Variants in SPATA33 observed in about 807,000 individuals in gnomAD.
SPATA33 encodes spermatogenesis-associated protein 33.
In SPATA33, 10 loss-of-function variants were observed where a neutral mutation model predicts 8.9. The observed-to-expected ratio is 1.12, with a 90% CI of 0.69 to 1.90. The LOEUF (loss-of-function observed/expected upper bound fraction) is 1.90. Among genes scored for constraint, SPATA33 ranks in the 40% most tolerant of loss-of-function variants. The pLI is 0.00. For missense variants in SPATA33, 241 were observed against 178.3 expected (o/e 1.35, Z -2.00); for synonymous variants, 96 against 72.8 (o/e 1.32, Z -1.63).
chr16:89,658,110 T>C, intron 1 of SPATA33, 138 bp from the exon 2 acceptor site: 1 of 1,501,390 alleles, frequency 6.7e-7, no homozygotes. Context: ...GTTTCCCGCC[T>C]GAGGCGGTTA....
chr16:89,670,022 G>GAGC lies in SPATA33; in HGVS notation c.*525_*526insAGC, dbSNP rs2060081577. 1 of 131,430 alleles carries GAGC rather than the reference G, an allele frequency of 7.6e-6. No homozygotes were observed. Among genetic ancestry groups the GAGC allele is most frequent in the Admixed American group, 7.2e-5 (1 of 13,826 alleles). 8.1% of individuals were successfully genotyped at this position (131,430 alleles called of 1,614,324 possible). ...GTGAGAAGCCATGGCCCCTTCTCCA[G>GAGC]TGCTTTTGGGGAGGGTGCACCAGGG... On this transcript the variant is annotated 3_prime_UTR_variant, in exon 3 of 3. Transcript: ENST00000579310.
At chr16:89,668,377 A>G (rs1159520081) in intron 2 of SPATA33, among the ~76,000 whole-genome samples, 1 of 152,240 alleles carries the variant, frequency 6.6e-6, no homozygotes, top group East Asian at 1.9e-4. Flanking sequence ...CCTACCTCGC[A>G]TCCAGGTTCG....
intron 1 of SPATA33, 133 bp from the exon 2 acceptor site, chr16:89,658,115 C>T: frequency 1.3e-6 from 2 of 1,508,192 alleles, no homozygotes; most frequent in South Asian, 1.3e-5. Flanking sequence ...CCGCCTGAGG[C>T]GGTTACGGAA....
chr16:89,665,136 C>T (rs1400435500), intron 2 of SPATA33, among the ~76,000 whole-genome samples: 7 of 151,868 alleles, frequency 4.6e-5, no homozygotes, highest in Non-Finnish European at 7.4e-5. Context: ...GCTGGGGCCA[C>T]AGTGCACGCC....
chr16:89,667,345 C>T (rs761309062), intron 2 of SPATA33, among the ~76,000 whole-genome samples: 3 of 152,098 alleles, frequency 2.0e-5, no homozygotes, highest in South Asian at 2.1e-4. Context: ...GATTGTAGAG[C>T]GAGGATTATT....
In SPATA33 at chr16:89,658,320, A is replaced by C; in HGVS notation, c.110A>C (p.Gln37Pro). The change falls in exon 2 of 3, where the codon CAG becomes CCG. Residue 37 changes from glutamine (Q) to proline (P), a missense_variant. By Grantham distance (76) the Gln-to-Pro change is moderately conservative. Coordinates refer to ENST00000579310, the MANE Select transcript of SPATA33 (RefSeq NM_001271907.2). ...SKEKLMEKHS[Q>P]EARQADRESE... is the part of the protein sequence containing the mutation. ...GAGAAGTTGATGGAGAAGCATTCCC[A>C]GGAAGCCAGGCAGGCAGACAGGGAG... The C allele has an allele frequency of 4.3e-6, 7 of 1,614,142 alleles. No homozygotes were observed. The highest frequency in any genetic ancestry group is 5.9e-6 in the Non-Finnish European group (7 of 1,180,034).
intron 2 of SPATA33, among the ~76,000 whole-genome samples, chr16:89,663,581 A>G (rs531446085): frequency 1.2e-4 from 18 of 152,176 alleles, no homozygotes; most frequent in Admixed American, 1.0e-3. Flanking sequence ...GAATGACAAA[A>G]TTATAGACAG....
At chr16:89,660,712 T>A in intron 2 of SPATA33, 1 of 745,340 alleles carries the variant, frequency 1.3e-6, no homozygotes, top group Non-Finnish European at 1.8e-6. Flanking sequence ...AGCAGATGAG[T>A]GGTTGCTGGG....
intron 2 of SPATA33, among the ~76,000 whole-genome samples, chr16:89,665,608 C>T (rs1049144795): frequency 6.6e-6 from 1 of 152,078 alleles, no homozygotes; most frequent in Non-Finnish European, 1.5e-5. Flanking sequence ...GCCACTGCGT[C>T]TGGCCTAATA....
intron 2 of SPATA33, among the ~76,000 whole-genome samples, chr16:89,664,108 G>C (rs556362993): frequency 6.6e-6 from 1 of 152,222 alleles, no homozygotes; most frequent in Admixed American, 6.5e-5. Flanking sequence ...GACAGAGTAA[G>C]ACCCTATTTA....
chr16:89,662,799 G>C lies in SPATA33; in HGVS notation c.211+4378G>C, dbSNP rs182477822. Among the ~76,000 whole-genome samples, 203 of 148,244 alleles carry C rather than the reference G, an allele frequency of 1.4e-3. 1 individual carries two copies. The highest frequency in any genetic ancestry group is 2.4e-3 in the Admixed American group (35 of 14,834). On this transcript the variant is annotated intron_variant, in intron 2 of 2. Transcript: ENST00000579310. ...TTGAACACTTTTGTGACGTTTTGTT[G>C]TTTGTTTGTTTTGAGATGGAGTCTT... is the stretch of plus-strand genomic sequence containing the variant.
chr16:89,663,835 G>T (rs1454175783), intron 2 of SPATA33, among the ~76,000 whole-genome samples: 2 of 152,128 alleles, frequency 1.3e-5, no homozygotes, highest in Non-Finnish European at 2.9e-5. Context: ...GTTCGCTTTG[G>T]GAGCCAAGCA....
intron 2 of SPATA33, chr16:89,661,050 A>G: frequency 1.0e-6 from 1 of 987,676 alleles, no homozygotes; most frequent in Admixed American, 6.1e-5. Flanking sequence ...GTCCTGCCAA[A>G]CGTGTCCTGA....
intron 1 of SPATA33, 24 bp downstream of exon 1, chr16:89,657,972 C>A (rs1424710967): frequency 1.3e-6 from 2 of 1,506,044 alleles, no homozygotes; most frequent in Non-Finnish European, 1.8e-6. Context: ...AGGCGCTGGG[C>A]TCCCCGCGTC....
At chr16:89,666,853 C>G (rs557648484) in intron 2 of SPATA33, among the ~76,000 whole-genome samples, 9 of 152,194 alleles carry the variant, frequency 5.9e-5, no homozygotes, top group Non-Finnish European at 1.2e-4. Flanking sequence ...AGACAGCTTA[C>G]GCCGTTATTT....
chr16:89,658,058 G>C, intron 1 of SPATA33, 110 bp downstream of exon 1: 2 of 1,458,178 alleles, frequency 1.4e-6, no homozygotes, highest in East Asian at 2.5e-5. Flanking sequence ...GGCTCGGCCC[G>C]GTGCGAACCG....
intron 2 of SPATA33, 83 bp downstream of exon 2, chr16:89,658,504 T>C: frequency 6.7e-7 from 1 of 1,493,604 alleles, no homozygotes; most frequent in African/African-American, 1.4e-5. Context: ...TGTAAGACCC[T>C]ACCGGATGGA....
At chr16:89,666,779 T>C (rs1354305582) in intron 2 of SPATA33, among the ~76,000 whole-genome samples, 1 of 152,146 alleles carries the variant, frequency 6.6e-6, no homozygotes, top group Non-Finnish European at 1.5e-5. Context: ...ATGTGGGTCA[T>C]GTGTCCACTG....
In SPATA33 at chr16:89,669,683, C is replaced by T. The variant is rs1189155983; in HGVS notation, c.*186C>T. The T allele has an allele frequency of 1.3e-5, 8 of 616,642 alleles. No individual in the cohort carries two copies. Among genetic ancestry groups the T allele is most frequent in the Non-Finnish European group, 5.6e-6 (2 of 356,968 alleles). The allele number at this position is 616,642 out of a possible 1,614,324, so 38.2% of individuals were successfully genotyped here. A position where few individuals can be genotyped will look rare whatever the true frequency, so the allele number is the denominator to read the frequency against. On this transcript the variant is annotated 3_prime_UTR_variant, in exon 3 of 3. Coordinates refer to ENST00000579310, the MANE Select transcript of SPATA33 (RefSeq NM_001271907.2). The stretch of plus-strand genomic sequence containing the variant: ...TTTCGGGGAGGGTGCACCAGGCCCG[C>T]CCCACCTTGTGAGAAGCCGTGGCCC...
Sources: allele counts gnomAD v4.1 joint callset (sites outside exome capture counted in the v4.1 genomes callset), GRCh38; gene constraint gnomAD v4.1.1; transcripts MANE v1.5; gene names NCBI Gene and HGNC (gene_info 2026-07-23, HGNC 2026-07-21).